Variants in CNOT6 observed in about 807,000 individuals in gnomAD.
CNOT6 encodes the protein carbon catabolite repression 4 protein.
In CNOT6, 12 loss-of-function variants were observed where a neutral mutation model predicts 61.2. The ratio of observed to expected loss-of-function variants is 0.20; its 90% CI spans 0.13 to 0.32. CNOT6 has a LOEUF of 0.32. Ranked by LOEUF, CNOT6 falls within the 10% of genes least tolerant of loss-of-function variation. The pLI is 1.00. For missense variants in CNOT6, 405 were observed against 663.9 expected (o/e 0.61, Z 4.28); for synonymous variants, 225 against 240.6 (o/e 0.94, Z 0.60).
At chr5:180,558,973 C>T (rs1316955180) in intron 4 of CNOT6, among the ~76,000 whole-genome samples, 1 of 152,100 alleles carries the variant, frequency 6.6e-6, no homozygotes, top group African/African-American at 2.4e-5. Context: ...TCAGTGTGGT[C>T]AGAAAGTGAA....
intron 4 of CNOT6, among the ~76,000 whole-genome samples, chr5:180,556,356 G>A (rs1195973304): frequency 1.3e-5 from 2 of 152,162 alleles, no homozygotes; most frequent in African/African-American, 4.8e-5. Flanking sequence ...CTGTTGCATA[G>A]CATAGTAACT....
At chr5:180,526,750 A>T (rs763293786) in intron 1 of CNOT6, among the ~76,000 whole-genome samples, 1 of 152,332 alleles carries the variant, frequency 6.6e-6, no homozygotes, top group South Asian at 2.1e-4. Flanking sequence ...TGATTTATCC[A>T]AAAGAATAAA....
intron 1 of CNOT6, among the ~76,000 whole-genome samples, chr5:180,504,955 ATTTTTTT>A (rs769852255): frequency 3.0e-5 from 3 of 101,492 alleles, no homozygotes; most frequent in South Asian, 3.4e-4. Flanking sequence ...GTACTAGTTA[ATTTTTTT>A]TTTTTTTTTT....
chr5:180,531,943 A>G (rs1758412322), intron 2 of CNOT6, among the ~76,000 whole-genome samples: 3 of 152,226 alleles, frequency 2.0e-5, no homozygotes, highest in African/African-American at 7.2e-5. Context: ...AGTACAGTCC[A>G]GCCTCGGCTT....
chr5:180,504,628 G>A (rs1757038420), intron 1 of CNOT6, among the ~76,000 whole-genome samples: 1 of 152,152 alleles, frequency 6.6e-6, no homozygotes, highest in South Asian at 2.1e-4. Flanking sequence ...CATGGTAAGA[G>A]AACAGATTTA....
chr5:180,505,273 T>TTTTTG (rs1757076602), intron 1 of CNOT6, among the ~76,000 whole-genome samples: 1 of 69,130 alleles, frequency 1.4e-5, no homozygotes, highest in African/African-American at 6.2e-5. Context: ...TTTTTTTTTT[T>TTTTTG]GAGACGGAGT....
chr5:180,510,673 T>C (rs1175151378), intron 1 of CNOT6, among the ~76,000 whole-genome samples: 1 of 152,360 alleles, frequency 6.6e-6, no homozygotes, highest in East Asian at 1.9e-4. Context: ...TTATATGACA[T>C]TTAAATGTTC....
chr5:180,569,489 G>A, intron 10 of CNOT6, 149 bp downstream of exon 10: 1 of 625,224 alleles, frequency 1.6e-6, no homozygotes, highest in Non-Finnish European at 2.7e-6. Flanking sequence ...ATGTTGGGGT[G>A]GAGGGGCCAT....
At chr5:180,556,267 C>T (rs1202326951) in intron 4 of CNOT6, among the ~76,000 whole-genome samples, 6 of 151,942 alleles carry the variant, frequency 3.9e-5, no homozygotes, top group South Asian at 4.2e-4. Flanking sequence ...GGCTTGGGGA[C>T]GGGGGACAGA....
chr5:180,545,786 G>A (rs1011612209), intron 2 of CNOT6, among the ~76,000 whole-genome samples: 2 of 152,150 alleles, frequency 1.3e-5, no homozygotes, highest in African/African-American at 2.4e-5. Flanking sequence ...TTGCAAAGAT[G>A]TCTTGTTTCA....
At chr5:180,570,792 A>T (rs1188475606) in intron 10 of CNOT6, among the ~76,000 whole-genome samples, 1 of 152,236 alleles carries the variant, frequency 6.6e-6, no homozygotes, top group Non-Finnish European at 1.5e-5. Flanking sequence ...TCTCTTCCAT[A>T]GTTGGCAGCA....
At chr5:180,563,048 A>G (rs6864038) in intron 4 of CNOT6, among the ~76,000 whole-genome samples, 70,888 of 151,964 alleles carry the variant, frequency 0.47, 17,554 homozygotes, top group Non-Finnish European at 0.56. Flanking sequence ...TTAGAATCCT[A>G]GAATCTTAAA....
At chr5:180,512,996 C>T (rs1485831462) in intron 1 of CNOT6, among the ~76,000 whole-genome samples, 1 of 149,736 alleles carries the variant, frequency 6.7e-6, no homozygotes, top group Non-Finnish European at 1.5e-5. Context: ...CCTGGGTTCA[C>T]GCCATTCTTC....
At chr5:180,552,514 C>T (rs996362461) in intron 3 of CNOT6, among the ~76,000 whole-genome samples, 28 of 151,870 alleles carry the variant, frequency 1.8e-4, no homozygotes, top group South Asian at 6.3e-4. Context: ...GGTGTGGTGG[C>T]AGGCACCTGT....
In CNOT6 at chr5:180,496,732, A is replaced by G. The variant is rs532288828; in HGVS notation, c.-3+1969A>G. 9.2e-5 allele frequency among the ~76,000 whole-genome samples: 14 copies of G among 152,350 alleles called. No individual in the cohort carries two copies. In the East Asian group the frequency reaches 2.3e-3, roughly 25 times the overall value. On this transcript the variant is annotated intron_variant, in intron 1 of 11. Transcript: ENST00000261951. ...AGTGAGACCTTGTCTTGATCACTTT[A>G]TAAAAACGGTGACGAAAGACAGATT... is the stretch of plus-strand genomic sequence containing the variant.
rs899055271 is a variant in CNOT6, at chr5:180,504,550, T to G, written c.-3+9787T>G. Among the ~76,000 whole-genome samples, 36 of 152,178 alleles carry G rather than the reference T, an allele frequency of 2.4e-4. 1 individual carries two copies. Among genetic ancestry groups the G allele is most frequent in the Admixed American group, 7.9e-4 (12 of 15,272 alleles). ...AAAGTCTGGCAAAAGGTAAGAAAAC[T>G]GCAAAGATTCATGTTGGCATAAATA... On this transcript the variant is annotated intron_variant, in intron 1 of 11. Coordinates refer to ENST00000261951, the MANE Select transcript of CNOT6 (RefSeq NM_001370472.1).
At chr5:180,511,965 A>G (rs1757419494) in intron 1 of CNOT6, among the ~76,000 whole-genome samples, 1 of 152,072 alleles carries the variant, frequency 6.6e-6, no homozygotes, top group Non-Finnish European at 1.5e-5. Flanking sequence ...CTTTCCATCA[A>G]AAGCATGGCT....
chr5:180,499,291 C>T (rs1291337964), intron 1 of CNOT6, among the ~76,000 whole-genome samples: 1 of 152,194 alleles, frequency 6.6e-6, no homozygotes, highest in African/African-American at 2.4e-5. Context: ...GAATACTTGT[C>T]TTCTGAGTTA....
intron 1 of CNOT6, among the ~76,000 whole-genome samples, chr5:180,496,623 GC>G (rs958963873): frequency 5.3e-5 from 8 of 152,114 alleles, no homozygotes; most frequent in African/African-American, 1.9e-4. Context: ...GATGGCTTGA[GC>G]CCAGGTGTTT....
Sources: gnomAD v4.1 joint callset for allele counts (sites outside exome capture counted in the v4.1 genomes callset) on GRCh38, gnomAD v4.1.1 for gene constraint, MANE v1.5 for transcripts, NCBI Gene and HGNC (gene_info 2026-07-23, HGNC 2026-07-21) for gene names.